NTRK3: variants seen among roughly 807,000 people sequenced by gnomAD.
NTRK3 encodes NT-3 growth factor receptor.
In NTRK3, 24 loss-of-function variants were observed where a neutral mutation model predicts 91.7. The ratio of observed to expected loss-of-function variants is 0.26; its 90% CI spans 0.19 to 0.37. NTRK3 has a LOEUF of 0.37. NTRK3 is among the 10% of genes least tolerant of loss of function. NTRK3 has a pLI of 1.00. For missense variants in NTRK3, 880 were observed against 1,068.9 expected, an observed-to-expected ratio of 0.82 and a Z score of 2.46; for synonymous variants, 483 against 404.0, an observed-to-expected ratio of 1.20 and a Z score of -2.34.
At chr15:88,046,403 C>A (rs982118989) in intron 13 of NTRK3, among the ~76,000 whole-genome samples, 1 of 152,092 alleles carries the variant, frequency 6.6e-6, no homozygotes, top group South Asian at 2.1e-4. Flanking sequence ...GAACAGGTCC[C>A]CAGGTCTACA....
intron 14 of NTRK3, chr15:87,979,288 C>T: frequency 7.8e-7 from 1 of 1,283,048 alleles, no homozygotes; most frequent in African/African-American, 1.5e-5. Flanking sequence ...CTTCCAACCT[C>T]TCAGAGGGCC....
At chr15:87,954,991 C>T (rs763727162) in intron 14 of NTRK3, among the ~76,000 whole-genome samples, 2 of 152,146 alleles carry the variant, frequency 1.3e-5, no homozygotes, top group Admixed American at 6.5e-5. Flanking sequence ...CCCAGCTCTG[C>T]TACTAACTAG....
chr15:88,174,999 C>T (rs1310687717), intron 5 of NTRK3, among the ~76,000 whole-genome samples: 1 of 152,222 alleles, frequency 6.6e-6, no homozygotes, highest in African/African-American at 2.4e-5. Context: ...CCTGTAATAA[C>T]ATCTCTCTCA....
At chr15:88,113,444 T>G (rs1414939636) in intron 13 of NTRK3, among the ~76,000 whole-genome samples, 1 of 150,954 alleles carries the variant, frequency 6.6e-6, no homozygotes, top group African/African-American at 2.4e-5. Context: ...GCCTCCTGAG[T>G]AGCTGGGATT....
chr15:87,951,635 C>T (rs1256941197), intron 14 of NTRK3, among the ~76,000 whole-genome samples: 1 of 152,188 alleles, frequency 6.6e-6, no homozygotes. Flanking sequence ...ACAGGTCACC[C>T]AGTGAGTCCT....
intron 14 of NTRK3, among the ~76,000 whole-genome samples, chr15:87,960,519 C>T (rs1458276664): frequency 6.6e-6 from 1 of 151,690 alleles, no homozygotes; most frequent in Non-Finnish European, 1.5e-5. Context: ...GAGTTTCGCT[C>T]TCTCACCCAG....
chr15:88,056,725 C>CT (rs1269331411), intron 13 of NTRK3, among the ~76,000 whole-genome samples: 1 of 152,226 alleles, frequency 6.6e-6, no homozygotes, highest in Non-Finnish European at 1.5e-5. Context: ...CCGGAAAACC[C>CT]TTTGGCACTT....
intron 14 of NTRK3, among the ~76,000 whole-genome samples, chr15:88,002,157 G>A (rs2076142708): frequency 6.8e-6 from 1 of 146,984 alleles, no homozygotes; most frequent in African/African-American, 2.5e-5. Context: ...TCTCTCTGAA[G>A]GATAGTGGTT....
At chr15:87,959,849 G>A (rs769297980) in intron 14 of NTRK3, among the ~76,000 whole-genome samples, 17 of 152,174 alleles carry the variant, frequency 1.1e-4, no homozygotes, top group Admixed American at 3.3e-4. Context: ...TGGAAGCTCC[G>A]TCAGTCTCTG....
Position 88,171,204 on chromosome 15 carries a change from C to T in NTRK3, c.395+12214G>A, listed in dbSNP as rs943866675. ...CCAGCAAGCCATGCTCTAAATCCAG[C>T]TCTTAAATCTCCCCACAGGACTGGC... On this transcript the variant is annotated intron_variant, in intron 5 of 18. Transcript: ENST00000394480. Among the ~76,000 whole-genome samples, 25 of 152,210 alleles carry T rather than the reference C, an allele frequency of 1.6e-4. 1 individual carries two copies. The highest frequency in any genetic ancestry group is 5.8e-4 in the African/African-American group (24 of 41,458).
At chr15:87,953,719 T>A (rs1452156564) in intron 14 of NTRK3, among the ~76,000 whole-genome samples, 1 of 152,104 alleles carries the variant, frequency 6.6e-6, no homozygotes. Flanking sequence ...GAGCCATCCT[T>A]CTATGCTCTG....
chr15:87,890,505 T>C (rs1238659638), intron 17 of NTRK3, among the ~76,000 whole-genome samples: 1 of 151,944 alleles, frequency 6.6e-6, no homozygotes, highest in Non-Finnish European at 1.5e-5. Flanking sequence ...TCCCATAGCA[T>C]CCTCCAGAGG....
intron 5 of NTRK3, among the ~76,000 whole-genome samples, chr15:88,169,101 C>T (rs993114327): frequency 2.0e-5 from 3 of 152,138 alleles, no homozygotes; most frequent in African/African-American, 4.8e-5. Flanking sequence ...AGCGGAGAGC[C>T]CTGGAGGACA....
intron 14 of NTRK3, among the ~76,000 whole-genome samples, chr15:88,024,488 A>G (rs1203327279): frequency 6.6e-6 from 1 of 152,178 alleles, no homozygotes; most frequent in East Asian, 1.9e-4. Context: ...GAGAAAAGGA[A>G]GTTGAAGAGA....
At chr15:87,890,942 T>A (rs922693658) in intron 17 of NTRK3, among the ~76,000 whole-genome samples, 2 of 152,058 alleles carry the variant, frequency 1.3e-5, no homozygotes, top group Admixed American at 6.6e-5. Flanking sequence ...AGGAAAAAAA[T>A]TTCTTAAGAG....
chr15:88,000,769 C>T (rs1427831425), intron 14 of NTRK3, among the ~76,000 whole-genome samples: 2 of 152,136 alleles, frequency 1.3e-5, no homozygotes, highest in African/African-American at 4.8e-5. Context: ...TGAACATTTA[C>T]ACTGTTTCTG....
chr15:87,881,315 C>G (rs1199489548), intron 17 of NTRK3, among the ~76,000 whole-genome samples: 3 of 152,198 alleles, frequency 2.0e-5, no homozygotes, highest in Non-Finnish European at 4.4e-5. Context: ...ATACATGGAA[C>G]TCATTGTTAA....
In NTRK3 at chr15:88,126,395, G is replaced by C. The variant is rs768674517; in HGVS notation, c.1294-22C>G. On this transcript the variant is annotated intron_variant, in intron 12 of 18. Transcript: ENST00000394480. ...ATACCTGTGAGGAACCAGAAACAGA[G>C]AGTCAGCAACAATCACAGAAAACCC... 2.0e-5 allele frequency: 31 copies of C among 1,549,182 alleles called. No homozygotes were observed. In the South Asian group the frequency reaches 2.5e-4, roughly 12 times the overall value.
At chr15:87,875,595 G>A (rs941279621) in exon 19 of NTRK3, 1 of 232,610 alleles carries the variant, frequency 4.3e-6, no homozygotes, top group Non-Finnish European at 8.5e-6. Context: ...CTCAGCCCCT[G>A]CGTTTTCACA....
Sources: gnomAD v4.1 joint callset for allele counts (sites outside exome capture counted in the v4.1 genomes callset) on GRCh38, gnomAD v4.1.1 for gene constraint, MANE v1.5 for transcripts, NCBI Gene and HGNC (gene_info 2026-07-23, HGNC 2026-07-21) for gene names.